Variants in TBC1D2 observed in about 807,000 individuals in gnomAD.
TBC1D2 encodes TBC1 domain family member 2.
TBC1D2 carries 58 observed loss-of-function variants against 91.1 expected under a neutral mutation model. The ratio of observed to expected loss-of-function variants is 0.64; its 90% CI spans 0.52 to 0.79. TBC1D2 has a LOEUF of 0.79. Among genes scored for constraint, TBC1D2 ranks in the 30% least tolerant of loss-of-function variants. The pLI, the probability that TBC1D2 is intolerant of heterozygous loss-of-function variation, is 0.00. For synonymous variants in TBC1D2, 482 were observed against 511.5 expected (o/e 0.94, Z 0.78); for missense variants, 1,080 against 1,208.3 (o/e 0.89, Z 1.57).
chr9:98,233,881 C>A (rs192664475), intron 3 of TBC1D2, among the ~76,000 whole-genome samples: 31 of 152,326 alleles, frequency 2.0e-4, no homozygotes. Flanking sequence ...ACCTACAATG[C>A]CTAAACGGTG....
intron 3 of TBC1D2, 80 bp from the exon 4 acceptor site, chr9:98,233,629 G>A: frequency 6.4e-7 from 1 of 1,567,604 alleles, no homozygotes; most frequent in Non-Finnish European, 8.6e-7. Context: ...ACCACTGCTG[G>A]AGCTCAGGTC....
chr9:98,205,547 C>T (rs775562684), intron 9 of TBC1D2, among the ~76,000 whole-genome samples: 3 of 152,012 alleles, frequency 2.0e-5, no homozygotes, highest in Non-Finnish European at 4.4e-5. Context: ...CATGCAGTTC[C>T]TTTTCTTTTC....
At chr9:98,214,585 A>G (rs1486614785) in intron 6 of TBC1D2, among the ~76,000 whole-genome samples, 1 of 149,136 alleles carries the variant, frequency 6.7e-6, no homozygotes. Flanking sequence ...TGTGCAAGCG[A>G]TGCTGCAGCA....
At chr9:98,247,053 C>A (rs1045616243) in intron 2 of TBC1D2, among the ~76,000 whole-genome samples, 9 of 151,504 alleles carry the variant, frequency 5.9e-5, no homozygotes, top group Non-Finnish European at 1.2e-4. Context: ...AAGGGCCGGG[C>A]GCAGTGGCTC....
chr9:98,202,592 C>T (rs1009178858), intron 10 of TBC1D2, among the ~76,000 whole-genome samples: 12 of 152,166 alleles, frequency 7.9e-5, no homozygotes, highest in Non-Finnish European at 1.2e-4. Flanking sequence ...TGAACTGATA[C>T]AATGCCAGAA....
chr9:98,235,984 G>A (rs771436506), intron 3 of TBC1D2, among the ~76,000 whole-genome samples: 6 of 151,564 alleles, frequency 4.0e-5, no homozygotes, highest in Non-Finnish European at 7.4e-5. Context: ...GCAGTGAGCC[G>A]AGAAAGCGCC....
In TBC1D2 at chr9:98,199,371, G is replaced by T. The variant is rs183880020; in HGVS notation, c.*10C>A. The T allele has an allele frequency of 1.7e-4, 267 of 1,612,372 alleles. 1 individual carries two copies. In the African/African-American group the frequency reaches 3.1e-3, roughly 19 times the overall value. ...GGTGAGGAAGGCTGTGGGGAGGGGA[G>T]GTGGCCAAGTCAGGCTTCCCCCTCC... On this transcript the variant is annotated 3_prime_UTR_variant, in exon 13 of 13. Coordinates refer to ENST00000465784, the MANE Select transcript of TBC1D2 (RefSeq NM_001267571.2).
At position 98,213,141 on chromosome 9, in the gene TBC1D2, C is replaced by A. The variant is rs1000821216; in HGVS notation, c.1452G>T (p.Lys484Asn). Residue 484 changes from lysine to asparagine, a missense_variant, in exon 7 of 13, where the codon AAG becomes AAT. Coordinates refer to ENST00000465784, the MANE Select transcript of TBC1D2 (RefSeq NM_001267571.2). ...EIHQVTKIWR[K>N]VAEKEKALLT... The stretch of plus-strand genomic sequence containing the variant: ...GAAGGGCCTTCTCCTTCTCAGCCAC[C>A]TTTCTCCAGATCTTTGTGACCTGGT... The A allele has an allele frequency of 3.7e-6, 6 of 1,614,054 alleles. No individual in the cohort carries two copies. The African/African-American group carries it at 6.7e-5, about 18-fold the overall frequency.
intron 1 of TBC1D2, 151 bp from the exon 2 acceptor site, chr9:98,252,077 A>G: frequency 3.0e-6 from 3 of 1,013,334 alleles, no homozygotes; most frequent in Non-Finnish European, 4.1e-6. Context: ...CTTCCTGGCC[A>G]CAGAAGATCA....
Position 98,228,178 on chromosome 9 carries a change from C to T in TBC1D2, c.978+774G>A, listed in dbSNP as rs371541371. Reference sequence around the variant, plus strand: ...CACTGCCACCACAGGTCCTACCAGGCCCCACCGTTGGGATTTATGTAACAA... The same window carrying T: ...CACTGCCACCACAGGTCCTACCAGGTCCCACCGTTGGGATTTATGTAACAA... On this transcript the variant is annotated intron_variant, in intron 5 of 12. Transcript: ENST00000465784. The surrounding 1 kb of genome is among the most constrained non-coding windows in gnomAD (Gnocchi z 4.0). 2.0e-4 allele frequency among the ~76,000 whole-genome samples: 30 copies of T among 152,302 alleles called. No homozygotes were observed. The South Asian group carries it at 5.6e-3, about 28-fold the overall frequency.
rs952057024 is a variant in TBC1D2 at position 98,243,859 on chromosome 9, G to A, written c.647+135C>T. 3 of 1,220,168 alleles carry A rather than the reference G, an allele frequency of 2.5e-6. No homozygotes were observed. The African/African-American group carries it at 4.6e-5, about 19-fold the overall frequency. The allele number at this position is 1,220,168 out of a possible 1,614,324, so 75.6% of individuals were successfully genotyped here. A position where few individuals can be genotyped will look rare whatever the true frequency, so the allele number is the denominator to read the frequency against. On this transcript the variant is annotated intron_variant, in intron 3 of 12. Coordinates refer to ENST00000465784, the MANE Select transcript of TBC1D2 (RefSeq NM_001267571.2). ...GCCAAATGTAATATTTTAAAGTGAT[G>A]ATGTGATTAATTGAAAATAAAGCCC...
chr9:98,205,756 C>T (rs1375928062), intron 9 of TBC1D2, among the ~76,000 whole-genome samples: 1 of 152,014 alleles, frequency 6.6e-6, no homozygotes, highest in Non-Finnish European at 1.5e-5. Flanking sequence ...TTTGACAGGG[C>T]TTTGCCATGT....
At chr9:98,229,560 C>T (rs1232196662) in intron 4 of TBC1D2, among the ~76,000 whole-genome samples, 1 of 152,212 alleles carries the variant, frequency 6.6e-6, no homozygotes, top group Non-Finnish European at 1.5e-5. Context: ...CAGGATCCCA[C>T]CTCTATGTAC....
chr9:98,221,857 T>C (rs1486867225), intron 5 of TBC1D2, among the ~76,000 whole-genome samples: 4 of 152,176 alleles, frequency 2.6e-5, no homozygotes, highest in Admixed American at 2.0e-4. Flanking sequence ...GCCTCTCAAG[T>C]AGCTGGGACC....
intron 6 of TBC1D2, among the ~76,000 whole-genome samples, chr9:98,216,210 G>T (rs890644724): frequency 1.3e-5 from 2 of 152,152 alleles, no homozygotes; most frequent in African/African-American, 4.8e-5. Context: ...TGTGCAAAAG[G>T]CTCAGAACGG....
intron 5 of TBC1D2, among the ~76,000 whole-genome samples, chr9:98,225,460 T>C (rs952734349): frequency 2.0e-5 from 3 of 152,274 alleles, no homozygotes; most frequent in East Asian, 1.9e-4. Flanking sequence ...TTGTGTCTCA[T>C]AGTGGGCCTC....
Position 98,201,564 on chromosome 9 carries a change from T to A in TBC1D2, c.2372A>T (p.Asn791Ile). The A allele has an allele frequency of 6.2e-7, 1 of 1,614,152 alleles. No individual in the cohort carries two copies. Among genetic ancestry groups the A allele is most frequent in the Non-Finnish European group, 8.5e-7 (1 of 1,180,018 alleles). The change falls in exon 11 of 13, where the codon AAC (asparagine) becomes ATC (isoleucine). Residue 791 changes from asparagine to isoleucine, a missense_variant. By Grantham distance (149) the Asn-to-Ile change is moderately radical (BLOSUM62 -3). Transcript: ENST00000465784. Reference protein sequence around the residue: ...HHVDLSLVTFNWFLVVFADSL... With the variant: ...HHVDLSLVTFIWFLVVFADSL... Reference sequence around the variant, plus strand: ...GTCCGCAAAGACCACGAGGAACCAGTTGAAGGTGACGAGGGAGAGATCCAC... The same window carrying A: ...GTCCGCAAAGACCACGAGGAACCAGATGAAGGTGACGAGGGAGAGATCCAC...
At chr9:98,223,969 G>A in intron 5 of TBC1D2, among the ~76,000 whole-genome samples, 1 of 152,172 alleles carries the variant, frequency 6.6e-6, no homozygotes, top group East Asian at 1.9e-4. Context: ...GGAGGCCAAG[G>A]CGGTCGGATC....
At chr9:98,253,142 G>C (rs1829905527) in intron 1 of TBC1D2, among the ~76,000 whole-genome samples, 1 of 152,160 alleles carries the variant, frequency 6.6e-6, no homozygotes, top group African/African-American at 2.4e-5. Flanking sequence ...GATAGTGCTA[G>C]GCACTGAATA....
Sources: allele counts gnomAD v4.1 joint callset (sites outside exome capture counted in the v4.1 genomes callset), GRCh38; gene constraint gnomAD v4.1.1; non-coding constraint Gnocchi (gnomAD v3.1); transcripts MANE v1.5; gene names NCBI Gene and HGNC (gene_info 2026-07-23, HGNC 2026-07-21).